Variants in CFAP54 observed in about 807,000 individuals in gnomAD.
The protein encoded by CFAP54 is cilia- and flagella-associated protein 54.
A neutral mutation model predicts 370.4 loss-of-function variants in CFAP54; 290 were observed. The observed-to-expected ratio is 0.78, with a 90% CI of 0.71 to 0.86. The LOEUF (loss-of-function observed/expected upper bound fraction) is 0.86. Ranked by LOEUF, CFAP54 falls within the 40% of genes least tolerant of loss-of-function variation. CFAP54 has a pLI of 0.00. For missense variants in CFAP54, 3,399 were observed against 3,528.7 expected, an observed-to-expected ratio of 0.96 and a Z score of 0.93; for synonymous variants, 1,206 against 1,236.5, an observed-to-expected ratio of 0.98 and a Z score of 0.52.
chr12:96,578,188 G>A (rs939307295), intron 20 of CFAP54, among the ~76,000 whole-genome samples: 18 of 152,326 alleles, frequency 1.2e-4, no homozygotes, highest in East Asian at 3.9e-4. Context: ...GGTAATTGAG[G>A]TATAAAGATA....
chr12:96,537,618 A>G (rs1276158221), intron 12 of CFAP54, among the ~76,000 whole-genome samples: 1 of 152,158 alleles, frequency 6.6e-6, no homozygotes, highest in Non-Finnish European at 1.5e-5. Context: ...CTGGGATTAT[A>G]GGTCTGAGCC....
Position 96,581,048 on chromosome 12 carries a change from A to G in CFAP54, c.3018A>G (p.Lys1006=), listed in dbSNP as rs1204022981. 6.5e-7 allele frequency: 1 copy of G among 1,531,240 alleles called. No homozygotes were observed. The highest frequency in any genetic ancestry group is 1.2e-5 in the South Asian group (1 of 83,450). The allele number at this position is 1,531,240 out of a possible 1,614,324, so 94.9% of individuals were successfully genotyped here. A position where few individuals can be genotyped will look rare whatever the true frequency, so the allele number is the denominator to read the frequency against. The change falls in exon 22 of 68, where the codon AAA becomes AAG. Residue 1006 remains lysine, a synonymous_variant. Coordinates refer to ENST00000524981, the MANE Select transcript of CFAP54 (RefSeq NM_001306084.2). ...LVGGAIGETT[K]PILVYPPLST... Reference sequence around the variant, plus strand: ...GTGGTGCTATTGGGGAGACAACTAAACCAATTCTGGTTTATCCCCCTCTTT... The same window carrying G: ...GTGGTGCTATTGGGGAGACAACTAAGCCAATTCTGGTTTATCCCCCTCTTT...
intron 62 of CFAP54, among the ~76,000 whole-genome samples, chr12:96,790,410 G>A (rs1040200215): frequency 6.6e-6 from 1 of 151,714 alleles, no homozygotes; most frequent in Non-Finnish European, 1.5e-5. Flanking sequence ...AATCCTCTTA[G>A]CAACTACATA....
chr12:96,741,486 C>G (rs1228753021), intron 51 of CFAP54, among the ~76,000 whole-genome samples: 1 of 152,102 alleles, frequency 6.6e-6, no homozygotes, highest in Admixed American at 6.5e-5. Flanking sequence ...CCCTTGTTTC[C>G]AGGGAACACC....
At position 96,784,804 on chromosome 12, in the gene CFAP54, C is replaced by G. The variant is rs1958613236; in HGVS notation, c.8369C>G (p.Thr2790Ser). Reference protein sequence around the residue: ...VCDSADGRKKTQTKVDITWIL... With the variant: ...VCDSADGRKKSQTKVDITWIL... ...GACAGCGCAGATGGTAGAAAAAAGA[C>G]TCAGACCAAAGTGGATATTACATGG... The change falls in exon 61 of 68, where the codon ACT (threonine) becomes AGT (serine). Residue 2790 changes from threonine (T) to serine (S), a missense_variant. Thr to Ser is a moderately conservative substitution (Grantham distance 58). Around this residue, in one of 3 missense-constraint regions of CFAP54, gnomAD observed 2,796 missense variants for 2,869.7 expected, o/e 0.97. Transcript: ENST00000524981. 1.3e-6 allele frequency: 2 copies of G among 1,534,546 alleles called. No homozygotes were observed. The highest frequency in any genetic ancestry group is 1.7e-6 in the Non-Finnish European group (2 of 1,145,948).
intron 43 of CFAP54, among the ~76,000 whole-genome samples, chr12:96,690,742 A>G (rs1957379649): frequency 6.6e-6 from 1 of 152,142 alleles, no homozygotes; most frequent in African/African-American, 2.4e-5. Context: ...AAGTTGTTTA[A>G]GCCTCAATTA....
intron 50 of CFAP54, among the ~76,000 whole-genome samples, chr12:96,738,231 C>T (rs552206036): frequency 2.6e-5 from 4 of 151,960 alleles, no homozygotes; most frequent in South Asian, 2.1e-4. Context: ...CTGGGTTCTG[C>T]GTGTGGGATG....
At chr12:96,507,198 C>T (rs561861901) in intron 4 of CFAP54, 99 bp downstream of exon 4, 131 of 911,422 alleles carry the variant, frequency 1.4e-4, no homozygotes, top group South Asian at 9.6e-5. Flanking sequence ...TTAAAACATA[C>T]GCATTTCATA....
chr12:96,802,128 C>T lies in CFAP54; in HGVS notation c.8851-9608C>T, dbSNP rs1033401134. Among the ~76,000 whole-genome samples the T allele has an allele frequency of 5.3e-5, 8 of 152,220 alleles. 1 individual carries two copies. In the East Asian group the frequency reaches 5.8e-4, roughly 11 times the overall value. ...CGAGTTTGAGTTGATGTGGCAGCAG[C>T]TGCTGCCTGACCAAGGAGGGACAAG... On this transcript the variant is annotated intron_variant, in intron 63 of 67. Coordinates refer to ENST00000524981, the MANE Select transcript of CFAP54 (RefSeq NM_001306084.2).
chr12:96,840,566 A>G (rs1203881892), intron 66 of CFAP54, among the ~76,000 whole-genome samples: 1 of 151,700 alleles, frequency 6.6e-6, no homozygotes, highest in Non-Finnish European at 1.5e-5. Context: ...TAATTATACT[A>G]ATATACTTCC....
At chr12:96,828,102 A>G (rs1959148843) in intron 65 of CFAP54, among the ~76,000 whole-genome samples, 1 of 139,280 alleles carries the variant, frequency 7.2e-6, no homozygotes, top group Admixed American at 8.3e-5. Context: ...CAGAAAAGCA[A>G]ATTTTTGCTT....
intron 67 of CFAP54, among the ~76,000 whole-genome samples, chr12:96,868,053 A>T (rs994185245): frequency 6.6e-6 from 1 of 152,022 alleles, no homozygotes; most frequent in Non-Finnish European, 1.5e-5. Context: ...TAAAAAAAAG[A>T]CTCATACCTA....
intron 66 of CFAP54, among the ~76,000 whole-genome samples, chr12:96,845,387 T>G (rs1473017134): frequency 6.6e-6 from 1 of 152,254 alleles, no homozygotes; most frequent in African/African-American, 2.4e-5. Flanking sequence ...CCTTCAGGAT[T>G]GAAAACTTCG....
At chr12:96,809,280 G>A (rs928921275) in intron 63 of CFAP54, among the ~76,000 whole-genome samples, 2 of 151,888 alleles carry the variant, frequency 1.3e-5, no homozygotes, top group African/African-American at 2.4e-5. Flanking sequence ...GATTATCTTA[G>A]TACCTTTTGG....
intron 66 of CFAP54, among the ~76,000 whole-genome samples, chr12:96,842,407 C>T (rs1185894525): frequency 2.0e-5 from 3 of 152,090 alleles, no homozygotes; most frequent in African/African-American, 7.2e-5. Flanking sequence ...GCAAGGATCC[C>T]CTCTGTTGTC....
chr12:96,658,372 C>T, intron 38 of CFAP54, 26 bp downstream of exon 38: 5 of 1,610,858 alleles, frequency 3.1e-6, no homozygotes, highest in Non-Finnish European at 4.2e-6. Context: ...TTCTATTATT[C>T]ATGCTGTTGT....
intron 17 of CFAP54, among the ~76,000 whole-genome samples, chr12:96,562,573 T>C (rs1955827270): frequency 6.6e-6 from 1 of 151,810 alleles, no homozygotes; most frequent in South Asian, 2.1e-4. Flanking sequence ...ACTACAGGCA[T>C]GTGCCACCAC....
chr12:96,823,122 C>G (rs948613601), intron 65 of CFAP54, among the ~76,000 whole-genome samples: 16 of 142,090 alleles, frequency 1.1e-4, no homozygotes, highest in South Asian at 1.1e-3. Context: ...GTGTGTTTGT[C>G]TGTGTGTGTG....
At chr12:96,506,213 C>T (rs1017583600) in intron 3 of CFAP54, among the ~76,000 whole-genome samples, 1 of 151,890 alleles carries the variant, frequency 6.6e-6, no homozygotes, top group Non-Finnish European at 1.5e-5. Context: ...GTGGCGGGCA[C>T]CTGTAGTCCC....
Sources: gnomAD v4.1 joint callset for allele counts (sites outside exome capture counted in the v4.1 genomes callset) on GRCh38, gnomAD v4.1.1 for gene constraint, gnomAD v4.1.1 regional missense constraint, MANE v1.5 for transcripts, NCBI Gene and HGNC (gene_info 2026-07-23, HGNC 2026-07-21) for gene names.